The following LRRC1 variants were observed in gnomAD, a reference collection of about 807,000 sequenced individuals.
LRRC1 encodes the protein leucine-rich repeat-containing protein 1.
A neutral mutation model predicts 69.9 loss-of-function variants in LRRC1; 28 were observed. The ratio of observed to expected loss-of-function variants is 0.40; its 90% CI spans 0.30 to 0.55. The LOEUF (loss-of-function observed/expected upper bound fraction) is 0.55, where lower values mean the gene tolerates loss of function less well. LRRC1 is among the 20% of genes least tolerant of loss of function. LRRC1 has a pLI of 0.47. For synonymous variants in LRRC1, 236 were observed against 240.2 expected, an observed-to-expected ratio of 0.98 and a Z score of 0.16; for missense variants, 498 against 609.0, an observed-to-expected ratio of 0.82 and a Z score of 1.92.
intron 10 of LRRC1, among the ~76,000 whole-genome samples, chr6:53,909,629 G>A (rs917800026): frequency 6.6e-5 from 10 of 151,230 alleles, no homozygotes; most frequent in Non-Finnish European, 8.8e-5. Flanking sequence ...AAAGAATTCC[G>A]TAGCTATTAG....
At chr6:53,795,914 A>G (rs912964067) in intron 1 of LRRC1, among the ~76,000 whole-genome samples, 2 of 152,200 alleles carry the variant, frequency 1.3e-5, no homozygotes, top group Non-Finnish European at 2.9e-5. Flanking sequence ...CTATCTCGGC[A>G]TCTTGGGAGG....
intron 5 of LRRC1, 122 bp from the exon 6 acceptor site, chr6:53,896,707 A>G (rs1767885851): frequency 2.1e-6 from 2 of 973,354 alleles, no homozygotes; most frequent in African/African-American, 1.6e-5. Context: ...TTCCTGTGCA[A>G]TATTTTCTAC....
At chr6:53,843,985 C>CTGT (rs1765864445) in intron 2 of LRRC1, among the ~76,000 whole-genome samples, 1 of 152,144 alleles carries the variant, frequency 6.6e-6, no homozygotes, top group South Asian at 2.1e-4. Context: ...GGTTACCAGC[C>CTGT]ACCCTAAAGG....
Position 53,875,469 on chromosome 6 carries a change from C to T in LRRC1, c.278-3524C>T, listed in dbSNP as rs1767034456. Among the ~76,000 whole-genome samples the T allele has an allele frequency of 4.0e-5, 6 of 151,290 alleles. No homozygotes were observed. In the South Asian group the frequency reaches 6.3e-4, roughly 16 times the overall value. ...TTCTGTGTGTATATGTGTGTGCACA[C>T]GTGTGTGTGTGACAAGTAAAAAAAA... On this transcript the variant is annotated intron_variant, in intron 2 of 13. Coordinates refer to ENST00000370888, the MANE Select transcript of LRRC1 (RefSeq NM_018214.5).
rs78938541 is a variant in LRRC1, at chr6:53,886,675, T to C, written c.446+3699T>C. ...CCGCTTATTCCAGTTCAGGTGAATGTTAAAATTTTTTACCTGCCTTGTCTC... is the reference window on the plus strand; with the variant it reads ...CCGCTTATTCCAGTTCAGGTGAATGCTAAAATTTTTTACCTGCCTTGTCTC... On this transcript the variant is annotated intron_variant, in intron 4 of 13. Transcript: ENST00000370888. Among the ~76,000 whole-genome samples, 1,436 of 152,320 alleles carry C rather than the reference T, an allele frequency of 9.4e-3. 17 individuals carry two copies. The highest frequency in any genetic ancestry group is 0.032 in the African/African-American group (1,318 of 41,570).
chr6:53,897,509 A>G lies in LRRC1; in HGVS notation c.642+150A>G, dbSNP rs1767915937. 5 of 595,672 alleles carry G rather than the reference A, an allele frequency of 8.4e-6. No homozygotes were observed. In the South Asian group the frequency reaches 1.1e-4, roughly 13 times the overall value. 36.9% of individuals were successfully genotyped at this position (595,672 alleles called of 1,614,324 possible). ...AGGCACATTTGGAAAAAACATATTG[A>G]GCATGCATCATTCTCCATTGCCATA... On this transcript the variant is annotated intron_variant, in intron 7 of 13. Coordinates refer to ENST00000370888, the MANE Select transcript of LRRC1 (RefSeq NM_018214.5).
In LRRC1 at chr6:53,921,159, C is replaced by T. The variant is rs552732267; in HGVS notation, c.1416+398C>T. On this transcript the variant is annotated intron_variant, in intron 13 of 13. Coordinates refer to ENST00000370888, the MANE Select transcript of LRRC1 (RefSeq NM_018214.5). ...ATTTTTGTATTTTTTGTAGAGATGACGTTTCACCATGTTGTCCAGGCTGGT... is the reference window on the plus strand; with the variant it reads ...ATTTTTGTATTTTTTGTAGAGATGATGTTTCACCATGTTGTCCAGGCTGGT... Among the ~76,000 whole-genome samples the T allele has an allele frequency of 5.9e-5, 9 of 151,912 alleles. No homozygotes were observed. In the South Asian group the frequency reaches 1.9e-3, roughly 32 times the overall value.
chr6:53,919,648 GCC>G lies in LRRC1; in HGVS notation c.1258_1259del (p.Pro420PhefsTer2). On this transcript the variant is annotated frameshift_variant, in exon 12 of 14. Coordinates refer to ENST00000370888, the MANE Select transcript of LRRC1 (RefSeq NM_018214.5). LOFTEE classifies it high-confidence loss of function. ...TAACCTGTGTCTTACTTCCTCAGCT[GCC>G]TTCTGAACCTACTTGTCAAGGTGAA... ...ILTCVLLPQL[P>X]SEPTCQENLP... 1 of 1,612,336 alleles carries G rather than the reference GCC, an allele frequency of 6.2e-7. No individual in the cohort carries two copies. Among genetic ancestry groups the G allele is most frequent in the Non-Finnish European group, 8.5e-7 (1 of 1,179,592 alleles).
At chr6:53,797,599 C>T (rs1248804577) in intron 1 of LRRC1, among the ~76,000 whole-genome samples, 1 of 152,192 alleles carries the variant, frequency 6.6e-6, no homozygotes, top group Non-Finnish European at 1.5e-5. Flanking sequence ...TCACAAGCCT[C>T]AAAGGTCCTT....
chr6:53,864,051 T>C (rs934037847), intron 2 of LRRC1, among the ~76,000 whole-genome samples: 1 of 152,124 alleles, frequency 6.6e-6, no homozygotes, highest in African/African-American at 2.4e-5. Flanking sequence ...AAAAATAGTT[T>C]GGCGTTCCCT....
chr6:53,839,599 A>AT (rs1028709206), intron 1 of LRRC1, among the ~76,000 whole-genome samples: 16 of 151,558 alleles, frequency 1.1e-4, no homozygotes, highest in African/African-American at 2.9e-4. Flanking sequence ...TTGCGGCTTG[A>AT]TTTTTTTTCC....
intron 1 of LRRC1, among the ~76,000 whole-genome samples, chr6:53,810,361 C>T (rs1471882091): frequency 6.6e-6 from 1 of 152,198 alleles, no homozygotes; most frequent in African/African-American, 2.4e-5. Context: ...TGGCTCACAC[C>T]TGTAATCCCA....
At chr6:53,913,675 A>T (rs1354166865) in intron 10 of LRRC1, among the ~76,000 whole-genome samples, 179 bp from the exon 11 acceptor site, 1 of 152,208 alleles carries the variant, frequency 6.6e-6, no homozygotes, top group Non-Finnish European at 1.5e-5. Flanking sequence ...TTTTATGAAC[A>T]TATGGGGCTG....
intron 1 of LRRC1, among the ~76,000 whole-genome samples, chr6:53,800,549 G>C (rs1352616453): frequency 6.6e-6 from 1 of 151,844 alleles, no homozygotes; most frequent in African/African-American, 2.4e-5. Flanking sequence ...ACCATGCCCG[G>C]CCAAAATAAT....
intron 1 of LRRC1, among the ~76,000 whole-genome samples, chr6:53,840,925 T>C (rs371735479): frequency 0.022 from 2,935 of 136,252 alleles, 30 homozygotes; most frequent in Non-Finnish European, 0.034. Flanking sequence ...TGTGTGTGTG[T>C]GTGCGTGCGC....
intron 2 of LRRC1, among the ~76,000 whole-genome samples, chr6:53,850,110 A>G (rs865791894): frequency 1.3e-4 from 19 of 150,928 alleles, no homozygotes; most frequent in African/African-American, 4.6e-4. Flanking sequence ...TACTTACTAA[A>G]TGTAAGGCTC....
intron 4 of LRRC1, among the ~76,000 whole-genome samples, chr6:53,890,297 A>C (rs1252318966): frequency 6.6e-6 from 1 of 152,242 alleles, no homozygotes; most frequent in African/African-American, 2.4e-5. Context: ...TACCCGAAAC[A>C]GTTATTCAGT....
At chr6:53,872,899 G>A (rs944836019) in intron 2 of LRRC1, among the ~76,000 whole-genome samples, 1 of 151,670 alleles carries the variant, frequency 6.6e-6, no homozygotes, top group African/African-American at 2.4e-5. Flanking sequence ...TAGGATTACA[G>A]GCATGCACCG....
chr6:53,856,713 A>G (rs1169462510), intron 2 of LRRC1, among the ~76,000 whole-genome samples: 1 of 152,106 alleles, frequency 6.6e-6, no homozygotes, highest in Non-Finnish European at 1.5e-5. Flanking sequence ...GCTAAGGAAT[A>G]TTTTCTTGAA....
Sources: allele counts gnomAD v4.1 joint callset (sites outside exome capture counted in the v4.1 genomes callset), GRCh38; gene constraint gnomAD v4.1.1; transcripts MANE v1.5; gene names NCBI Gene and HGNC (gene_info 2026-07-23, HGNC 2026-07-21).